Variants in MGMT observed in about 807,000 individuals in gnomAD.
The protein encoded by MGMT is methylated-DNA--protein-cysteine methyltransferase.
Under a neutral mutation model 15.9 loss-of-function variants are expected in MGMT, and 14 were observed. That is an observed-to-expected ratio of 0.88 (90% CI 0.58 to 1.37). The LOEUF (loss-of-function observed/expected upper bound fraction) is 1.37. Ranked by LOEUF, MGMT falls within the 40% of genes most tolerant of loss-of-function variation. The pLI is 0.00. For synonymous variants in MGMT, 130 were observed against 118.2 expected (o/e 1.10, Z -0.65); for missense variants, 282 against 268.1 (o/e 1.05, Z -0.36).
intron 2 of MGMT, among the ~76,000 whole-genome samples, chr10:129,646,951 G>A (rs928214217): frequency 4.0e-5 from 6 of 151,250 alleles, no homozygotes; most frequent in East Asian, 1.9e-4. Context: ...GGCCCGTCTC[G>A]CATCTGAACA....
In MGMT at chr10:129,707,941, C is replaced by T. The variant is rs2308322; in HGVS notation, c.172C>T (p.Pro58Ser). 3.7e-5 allele frequency: 59 copies of T among 1,612,820 alleles called. No homozygotes were observed. The African/African-American group carries it at 6.1e-4, about 17-fold the overall frequency. Residue 58 changes from proline (P) to serine (S), a missense_variant, in exon 3 of 5, where the codon CCC becomes TCC. By Grantham distance (74) the Pro-to-Ser change is moderately conservative (BLOSUM62 -1). Transcript: ENST00000651593. ...CGCTGCGGTTCTCGGAGGTCCGGAG[C>T]CCCTGATGCAGTGCACAGCCTGGCT... ...APAAVLGGPE[P>S]LMQCTAWLNA... is the part of the protein sequence containing the mutation.
chr10:129,492,829 C>T (rs1158620230), intron 1 of MGMT, among the ~76,000 whole-genome samples: 4 of 152,188 alleles, frequency 2.6e-5, no homozygotes, highest in African/African-American at 9.7e-5. Context: ...CATTGGGCTG[C>T]CTCCATTAGT....
At chr10:129,543,589 G>T (rs1289896296) in intron 2 of MGMT, among the ~76,000 whole-genome samples, 1 of 152,172 alleles carries the variant, frequency 6.6e-6, no homozygotes, top group East Asian at 1.9e-4. Context: ...CTGGTTCTTT[G>T]CTGACCTGGG....
intron 3 of MGMT, among the ~76,000 whole-genome samples, chr10:129,749,051 G>A (rs555593088): frequency 9.7e-4 from 147 of 152,256 alleles, no homozygotes; most frequent in African/African-American, 2.9e-3. Context: ...CAGTGAGGAC[G>A]TTTTATAAGT....
chr10:129,648,100 T>G (rs1847417509), intron 2 of MGMT, among the ~76,000 whole-genome samples: 2 of 152,298 alleles, frequency 1.3e-5, no homozygotes, highest in African/African-American at 4.8e-5. Context: ...TATCAAAATC[T>G]AGATAGGTAA....
In MGMT at chr10:129,770,114, G is replaced by A. The variant is rs893067688; in HGVS notation, c.*3117G>A. 2.0e-5 allele frequency among the ~76,000 whole-genome samples: 3 copies of A among 152,124 alleles called. No homozygotes were observed. The highest frequency in any genetic ancestry group is 1.3e-4 in the Admixed American group (2 of 15,276). On this transcript the variant is annotated 3_prime_UTR_variant, in exon 5 of 5. Transcript: ENST00000651593. ...GCGACTTAAGCTTCTCTGGTGCGTC[G>A]CGCCCCACGTGCTTCTCCAGAATCC...
chr10:129,480,745 T>G lies in MGMT; in HGVS notation c.-13+13449T>G, dbSNP rs146286960. On this transcript the variant is annotated intron_variant, in intron 1 of 4. Transcript: ENST00000651593. The stretch of plus-strand genomic sequence containing the variant: ...CATTTTTTAAAAAGAAAGTTCCCCT[T>G]TTATCATCAGCAGCAGATACTGTCA... Among the ~76,000 whole-genome samples, 921 of 152,298 alleles carry G rather than the reference T, an allele frequency of 6.0e-3. 5 individuals carry two copies. Among genetic ancestry groups the G allele is most frequent in the Non-Finnish European group, 9.2e-3 (629 of 68,026 alleles).
chr10:129,603,245 G>A (rs1270581154), intron 2 of MGMT, among the ~76,000 whole-genome samples: 1 of 152,132 alleles, frequency 6.6e-6, no homozygotes, highest in Non-Finnish European at 1.5e-5. Context: ...CTGATTTTAT[G>A]CACATTGTTT....
chr10:129,752,221 C>T (rs989727989), intron 3 of MGMT, among the ~76,000 whole-genome samples: 1 of 151,890 alleles, frequency 6.6e-6, no homozygotes, highest in Admixed American at 6.6e-5. Context: ...TGTGAATTGA[C>T]CCTCTCACTA....
At chr10:129,565,566 T>C (rs981316218) in intron 2 of MGMT, among the ~76,000 whole-genome samples, 3 of 152,216 alleles carry the variant, frequency 2.0e-5, no homozygotes, top group Non-Finnish European at 4.4e-5. Flanking sequence ...TATGCTCCAC[T>C]GTAATTTCTT....
At chr10:129,627,520 A>AT (rs1847164562) in intron 2 of MGMT, among the ~76,000 whole-genome samples, 1 of 152,042 alleles carries the variant, frequency 6.6e-6, no homozygotes, top group African/African-American at 2.4e-5. Flanking sequence ...GCAGACCTGT[A>AT]TTTTTTTGTG....
chr10:129,601,247 T>C (rs1292815402), intron 2 of MGMT, among the ~76,000 whole-genome samples: 2 of 152,214 alleles, frequency 1.3e-5, no homozygotes, highest in African/African-American at 4.8e-5. Flanking sequence ...CTTTTCAGTT[T>C]GCAAACAGTA....
At chr10:129,703,486 AC>A (rs1193312286) in intron 2 of MGMT, among the ~76,000 whole-genome samples, 3 of 151,980 alleles carry the variant, frequency 2.0e-5, no homozygotes, top group Non-Finnish European at 4.4e-5. Flanking sequence ...CCCACAGTGT[AC>A]CCTCGCTTCC....
intron 2 of MGMT, chr10:129,700,469 A>G (rs1162723247): frequency 6.6e-6 from 1 of 152,160 alleles, no homozygotes; most frequent in Non-Finnish European, 1.5e-5. Context: ...TCCATGAAAC[A>G]TCGGGGCCAA....
At chr10:129,661,213 C>CTT (rs563790917) in intron 2 of MGMT, among the ~76,000 whole-genome samples, 1 of 146,498 alleles carries the variant, frequency 6.8e-6, no homozygotes, top group Admixed American at 6.8e-5. Context: ...TTATTTCCAA[C>CTT]TTTTTTTTTT....
At position 129,703,643 on chromosome 10, in the gene MGMT, C is replaced by T. The variant is rs376272367; in HGVS notation, c.126-4252C>T. On this transcript the variant is annotated intron_variant, in intron 2 of 4. Coordinates refer to ENST00000651593, the MANE Select transcript of MGMT (RefSeq NM_002412.5). ...CCGTACAACTCACCCACCACTGAAA[C>T]GGCAGCCCCTGTGCTCCACTCCATC... Among the ~76,000 whole-genome samples, 112 of 152,222 alleles carry T rather than the reference C, an allele frequency of 7.4e-4. No individual in the cohort carries two copies. The East Asian group carries it at 0.015, about 21-fold the overall frequency.
intron 2 of MGMT, among the ~76,000 whole-genome samples, chr10:129,678,707 C>A (rs56800605): frequency 6.6e-6 from 1 of 152,044 alleles, no homozygotes; most frequent in African/African-American, 2.4e-5. Context: ...TTTAATGACA[C>A]AGGATCCACT....
At chr10:129,503,166 A>G (rs73380821) in intron 1 of MGMT, among the ~76,000 whole-genome samples, 3,463 of 150,818 alleles carry the variant, frequency 0.023, 120 homozygotes, top group African/African-American at 0.079. Flanking sequence ...CTATTTTAGT[A>G]TTATGAAGAA....
At chr10:129,518,893 A>G (rs183330848) in intron 1 of MGMT, among the ~76,000 whole-genome samples, 68 of 152,014 alleles carry the variant, frequency 4.5e-4, no homozygotes, top group Non-Finnish European at 8.1e-4. Flanking sequence ...CATCAGCTGT[A>G]TACATACATA....
Sources: gnomAD v4.1 joint callset for allele counts (sites outside exome capture counted in the v4.1 genomes callset) on GRCh38, gnomAD v4.1.1 for gene constraint, MANE v1.5 for transcripts, NCBI Gene and HGNC (gene_info 2026-07-23, HGNC 2026-07-21) for gene names.